The following CNTRL variants were observed in gnomAD, a reference collection of about 807,000 sequenced individuals.
CNTRL encodes the protein 110 kDa centrosomal protein.
A neutral mutation model predicts 303.7 loss-of-function variants in CNTRL; 233 were observed. The ratio of observed to expected loss-of-function variants is 0.77; its 90% CI spans 0.69 to 0.86. The LOEUF is 0.86. CNTRL is among the 40% of genes least tolerant of loss of function. The probability of loss-of-function intolerance (pLI) is 0.00; values close to 1 mark genes in which losing one functional copy is unlikely to be tolerated. For synonymous variants in CNTRL, 900 were observed against 922.2 expected, an observed-to-expected ratio of 0.98 and a Z score of 0.44; for missense variants, 2,524 against 2,650.6, an observed-to-expected ratio of 0.95 and a Z score of 1.05.
chr9:121,094,438 C>A lies in CNTRL; in HGVS notation c.349-450C>A, dbSNP rs2048802805. On this transcript the variant is annotated intron_variant, in intron 4 of 43. Coordinates refer to ENST00000373855, the MANE Select transcript of CNTRL (RefSeq NM_007018.6). ...CCAAGATAATGGCATTAATTCATTC[C>A]TGAGGGCAGAACCCTCATAACCTAA... 2.6e-5 allele frequency among the ~76,000 whole-genome samples: 4 copies of A among 152,122 alleles called. No homozygotes were observed. In the South Asian group the frequency reaches 8.3e-4, roughly 31 times the overall value.
At chr9:121,117,831 T>C (rs2050047986) in intron 11 of CNTRL, among the ~76,000 whole-genome samples, 1 of 151,992 alleles carries the variant, frequency 6.6e-6, no homozygotes, top group South Asian at 2.1e-4. Flanking sequence ...TACAAAAAAT[T>C]AGCTGGGCGT....
At position 121,096,527 on chromosome 9, in the gene CNTRL, G is replaced by A. The variant is rs767370614; in HGVS notation, c.585G>A (p.Leu195=). ...PVWLGKKLKS[L]RVLNLKGNKI... ...GGTTAGGGAAGAAGTTAAAATCTTT[G>A]CGAGTCCTCAATTTGAAAGGCAACA... The change falls in exon 6 of 44, where the codon TTG becomes TTA. Residue 195 remains leucine (L), a synonymous_variant. Transcript: ENST00000373855. The A allele has an allele frequency of 1.1e-5, 16 of 1,499,444 alleles. No individual in the cohort carries two copies. Among genetic ancestry groups the A allele is most frequent in the Non-Finnish European group, 2.7e-6 (3 of 1,114,872 alleles). The allele number at this position is 1,499,444 out of a possible 1,614,324, so 92.9% of individuals were successfully genotyped here. A position where few individuals can be genotyped will look rare whatever the true frequency, so the allele number is the denominator to read the frequency against.
At position 121,145,300 on chromosome 9, in the gene CNTRL, A is replaced by G. The variant is rs1402974348; in HGVS notation, c.3225A>G (p.Leu1075=). Residue 1075 remains leucine, a synonymous_variant, in exon 22 of 44, where the codon CTA becomes CTG. Transcript: ENST00000373855. The stretch of plus-strand genomic sequence containing the variant: ...GTACTGGAGCAAACTCACAGGTCCT[A>G]GAAATTGAGAAACTGAATGAGACAA... The part of the protein sequence containing the change: ...GVGTGANSQV[L]EIEKLNETME... The G allele has an allele frequency of 6.2e-7, 1 of 1,614,128 alleles. No homozygotes were observed. Among genetic ancestry groups the G allele is most frequent in the Non-Finnish European group, 8.5e-7 (1 of 1,179,982 alleles).
intron 2 of CNTRL, among the ~76,000 whole-genome samples, chr9:121,084,570 A>C (rs1394160133): frequency 2.1e-5 from 3 of 140,278 alleles, no homozygotes; most frequent in Non-Finnish European, 4.6e-5. Context: ...TGTGAGATGG[A>C]GTCTCGCTTT....
intron 14 of CNTRL, among the ~76,000 whole-genome samples, chr9:121,134,648 ATG>A (rs371054388): frequency 6.6e-6 from 1 of 151,910 alleles, no homozygotes; most frequent in Non-Finnish European, 1.5e-5. Context: ...TGTCCCAAGA[ATG>A]TGTGTGTGTG....
At chr9:121,089,314 A>T (rs1219878811) in intron 3 of CNTRL, among the ~76,000 whole-genome samples, 4 of 152,222 alleles carry the variant, frequency 2.6e-5, no homozygotes, top group Non-Finnish European at 4.4e-5. Context: ...TTTTGCACCA[A>T]AATAAATTTA....
In CNTRL at chr9:121,150,218, A is replaced by T. The variant is rs1447640941; in HGVS notation, c.3698A>T (p.Gln1233Leu). ...CAGGAAGAGAGTGAGCTGGATGACC[A>T]AGAAGAACCCCCATTTGTGCCTCCT... is the stretch of plus-strand genomic sequence containing the variant. ...DSQEESELDD[Q>L]EEPPFVPPPG... Residue 1233 changes from glutamine to leucine, a missense_variant, in exon 25 of 44, where the codon CAA becomes CTA. Coordinates refer to ENST00000373855, the MANE Select transcript of CNTRL (RefSeq NM_007018.6). 4.3e-6 allele frequency: 7 copies of T among 1,613,906 alleles called. No homozygotes were observed. Among genetic ancestry groups the T allele is most frequent in the Non-Finnish European group, 5.9e-6 (7 of 1,179,886 alleles).
intron 1 of CNTRL, among the ~76,000 whole-genome samples, chr9:121,080,027 C>G (rs2048079226): frequency 6.6e-6 from 1 of 152,128 alleles, no homozygotes; most frequent in South Asian, 2.1e-4. Context: ...CCCATGGCAT[C>G]ATGCTAGGCC....
chr9:121,078,627 A>G (rs927438959), intron 1 of CNTRL, among the ~76,000 whole-genome samples: 6 of 152,150 alleles, frequency 3.9e-5, no homozygotes, highest in African/African-American at 1.2e-4. Flanking sequence ...CTGGCTTACA[A>G]GACTGCCCCC....
intron 5 of CNTRL, among the ~76,000 whole-genome samples, chr9:121,095,718 A>T (rs1241471790): frequency 6.6e-6 from 1 of 152,256 alleles, no homozygotes; most frequent in East Asian, 1.9e-4. Flanking sequence ...TAAAATTTGT[A>T]TAAAAAGTTG....
chr9:121,117,137 C>T (rs1275943549), intron 11 of CNTRL, among the ~76,000 whole-genome samples: 1 of 152,164 alleles, frequency 6.6e-6, no homozygotes, highest in Non-Finnish European at 1.5e-5. Flanking sequence ...ACTTACTTGA[C>T]ATGCTAACAA....
Position 121,145,349 on chromosome 9 carries a change from G to A in CNTRL, c.3274G>A (p.Ala1092Thr). 6.2e-7 allele frequency: 1 copy of A among 1,613,942 alleles called. No individual in the cohort carries two copies. The highest frequency in any genetic ancestry group is 8.5e-7 in the Non-Finnish European group (1 of 1,179,926). Reference sequence around the variant, plus strand: ...AATGGAACGACAAAGGACAGAGATTGCAAGGCTGCAGAATGTACTAGACCT... The same window carrying A: ...AATGGAACGACAAAGGACAGAGATTACAAGGCTGCAGAATGTACTAGACCT... Reference protein sequence around the residue: ...ETMERQRTEIARLQNVLDLTG... With the variant: ...ETMERQRTEITRLQNVLDLTG... Residue 1092 changes from alanine to threonine, a missense_variant, in exon 22 of 44, where the codon GCA (alanine) becomes ACA (threonine). Ala to Thr is a moderately conservative substitution (Grantham distance 58). Coordinates refer to ENST00000373855, the MANE Select transcript of CNTRL (RefSeq NM_007018.6).
intron 24 of CNTRL, among the ~76,000 whole-genome samples, chr9:121,149,208 A>C (rs1321691062): frequency 6.6e-6 from 1 of 152,130 alleles, no homozygotes; most frequent in Non-Finnish European, 1.5e-5. Flanking sequence ...TCACGGCATT[A>C]ATCTCATCCT....
intron 43 of CNTRL, 65 bp downstream of exon 43, chr9:121,175,289 C>A: frequency 6.8e-7 from 1 of 1,463,698 alleles, no homozygotes; most frequent in Non-Finnish European, 9.5e-7. Flanking sequence ...TTTTTTGAGA[C>A]AAGGTCTTGC....
chr9:121,125,634 C>T, intron 13 of CNTRL, 82 bp from the exon 14 acceptor site: 1 of 1,211,216 alleles, frequency 8.3e-7, no homozygotes, highest in South Asian at 1.3e-5. Context: ...TAGAATTTCA[C>T]TCTTGGCTTA....
chr9:121,145,343 G>T lies in CNTRL; in HGVS notation c.3268G>T (p.Glu1090Ter), dbSNP rs755764061. Residue 1090 changes from glutamate to a stop codon, truncating the protein, a stop_gained, in exon 22 of 44, where the codon GAG (glutamate) becomes TAG (stop). Coordinates refer to ENST00000373855, the MANE Select transcript of CNTRL (RefSeq NM_007018.6). LOFTEE classifies it high-confidence loss of function. The stretch of plus-strand genomic sequence containing the variant: ...TGAGACAATGGAACGACAAAGGACA[G>T]AGATTGCAAGGCTGCAGAATGTACT... ...LNETMERQRT[E>*]IARLQNVLDL... 6.2e-7 allele frequency: 1 copy of T among 1,614,020 alleles called. No homozygotes were observed. Among genetic ancestry groups the T allele is most frequent in the Non-Finnish European group, 8.5e-7 (1 of 1,179,962 alleles).
intron 35 of CNTRL, 86 bp from the exon 36 acceptor site, chr9:121,166,021 C>T (rs2053075226): frequency 2.0e-6 from 2 of 1,007,616 alleles, no homozygotes; most frequent in Middle Eastern, 2.9e-4. Flanking sequence ...CTTAAAACAA[C>T]TTCTCTACTT....
chr9:121,119,692 C>T (rs1343053292), intron 12 of CNTRL, among the ~76,000 whole-genome samples: 2 of 151,968 alleles, frequency 1.3e-5, no homozygotes, highest in African/African-American at 4.8e-5. Context: ...GATGGGGTTT[C>T]TCCATGTTGC....
In CNTRL at chr9:121,165,114, A is replaced by G; in HGVS notation, c.5581+14A>G. ...AGCAGCTCCAAGGTATAAGGCAGCAAAACAGTGAAAGTGTGTGATTTCCTT... is the reference window on the plus strand; with the variant it reads ...AGCAGCTCCAAGGTATAAGGCAGCAGAACAGTGAAAGTGTGTGATTTCCTT... On this transcript the variant is annotated intron_variant, in intron 35 of 43. Transcript: ENST00000373855. 1.3e-6 allele frequency: 2 copies of G among 1,545,172 alleles called. No homozygotes were observed. The highest frequency in any genetic ancestry group is 1.2e-5 in the South Asian group (1 of 81,110).
Sources: gnomAD v4.1 joint callset for allele counts (sites outside exome capture counted in the v4.1 genomes callset) on GRCh38, gnomAD v4.1.1 for gene constraint, MANE v1.5 for transcripts, NCBI Gene and HGNC (gene_info 2026-07-23, HGNC 2026-07-21) for gene names.